RPA1: variants seen among roughly 807,000 people sequenced by gnomAD.
The protein encoded by RPA1 is replication protein A1.
RPA1 carries 49 observed loss-of-function variants against 83.0 expected under a neutral mutation model. The observed-to-expected ratio is 0.59, with a 90% CI of 0.47 to 0.75. RPA1 has a LOEUF of 0.75. Among genes scored for constraint, RPA1 ranks in the 30% least tolerant of loss-of-function variants. RPA1 has a pLI of 0.00. For synonymous variants in RPA1, 279 were observed against 281.8 expected (o/e 0.99, Z 0.10); for missense variants, 693 against 776.1 (o/e 0.89, Z 1.27).
chr17:1,843,388 A>G (rs1912129544), intron 2 of RPA1, among the ~76,000 whole-genome samples: 1 of 151,600 alleles, frequency 6.6e-6, no homozygotes, highest in South Asian at 2.1e-4. Context: ...CTCTGGGTAC[A>G]GGTGTCACTT....
At chr17:1,895,323 A>G (rs1914366248) in intron 16 of RPA1, among the ~76,000 whole-genome samples, 1 of 148,758 alleles carries the variant, frequency 6.7e-6, no homozygotes. Context: ...TACAATATGG[A>G]TTTTTTTGTT....
chr17:1,871,260 T>C (rs1177449172), intron 5 of RPA1, among the ~76,000 whole-genome samples: 1 of 152,266 alleles, frequency 6.6e-6, no homozygotes, highest in Non-Finnish European at 1.5e-5. Context: ...TAAACAGTTC[T>C]ATTTAACCTT....
At chr17:1,859,235 C>T (rs913564088) in intron 5 of RPA1, among the ~76,000 whole-genome samples, 1 of 152,164 alleles carries the variant, frequency 6.6e-6, no homozygotes, top group Non-Finnish European at 1.5e-5. Context: ...ATTATGGTCT[C>T]TCTTGGTAAA....
intron 5 of RPA1, among the ~76,000 whole-genome samples, chr17:1,861,334 C>A (rs907592260): frequency 1.3e-5 from 2 of 152,348 alleles, no homozygotes; most frequent in South Asian, 4.1e-4. Flanking sequence ...TGCAGACCCA[C>A]TCGCTCGCTT....
Position 1,891,818 on chromosome 17 carries a change from A to C in RPA1, c.1552-15A>C. On this transcript the variant is annotated splice_polypyrimidine_tract_variant and intron_variant, in intron 14 of 16. Coordinates refer to ENST00000254719, the MANE Select transcript of RPA1 (RefSeq NM_002945.5). Reference sequence around the variant, plus strand: ...TTATTTCTTTGCTGAAATAATGTAGAATTGTGTTTTTTAGGTAAATATTGC... The same window carrying C: ...TTATTTCTTTGCTGAAATAATGTAGCATTGTGTTTTTTAGGTAAATATTGC... 6.8e-7 allele frequency: 1 copy of C among 1,478,762 alleles called. No homozygotes were observed. Among genetic ancestry groups the C allele is most frequent in the Non-Finnish European group, 9.4e-7 (1 of 1,065,680 alleles). 91.6% of individuals were successfully genotyped at this position (1,478,762 alleles called of 1,614,324 possible). A position where few individuals can be genotyped will look rare whatever the true frequency, so the allele number is the denominator to read the frequency against.
chr17:1,876,236 C>A (rs1462566693), intron 7 of RPA1, among the ~76,000 whole-genome samples: 3 of 152,132 alleles, frequency 2.0e-5, no homozygotes, highest in South Asian at 2.1e-4. Flanking sequence ...ACATAAATTT[C>A]TTTTATATGA....
intron 15 of RPA1, 136 bp from the exon 16 acceptor site, chr17:1,894,873 C>T (rs1914339202): frequency 3.2e-6 from 2 of 622,082 alleles, no homozygotes; most frequent in Non-Finnish European, 5.8e-6. Context: ...TGTAATGTTA[C>T]CTGTAGATGA....
At chr17:1,844,126 G>A (rs1912167550) in intron 3 of RPA1, 128 bp downstream of exon 3, 1 of 696,834 alleles carries the variant, frequency 1.4e-6, no homozygotes, top group Non-Finnish European at 2.4e-6. Context: ...ACTTCATTCA[G>A]ACAGAATTGC....
Position 1,879,353 on chromosome 17 carries a change from T to C in RPA1, c.898T>C (p.Phe300Leu). Reference sequence around the variant, plus strand: ...CGACCATCATTTACCTACGGTTCAGTTTGATTTCACGGGGATTGATGACCT... The same window carrying C: ...CGACCATCATTTACCTACGGTTCAGCTTGATTTCACGGGGATTGATGACCT... ...EDDHHLPTVQ[F>L]DFTGIDDLEN... Residue 300 changes from phenylalanine to leucine, a missense_variant, in exon 10 of 17, where the codon TTT (phenylalanine) becomes CTT (leucine). Phe to Leu is a conservative substitution (Grantham distance 22, BLOSUM62 0). Transcript: ENST00000254719. 3.1e-6 allele frequency: 5 copies of C among 1,614,164 alleles called. No homozygotes were observed. The highest frequency in any genetic ancestry group is 4.2e-6 in the Non-Finnish European group (5 of 1,180,032).
intron 4 of RPA1, among the ~76,000 whole-genome samples, chr17:1,848,853 C>T (rs1005381951): frequency 7.9e-5 from 12 of 152,002 alleles, no homozygotes; most frequent in Admixed American, 4.6e-4. Flanking sequence ...TGTGAGCCAC[C>T]GCACCCAGCC....
intron 7 of RPA1, among the ~76,000 whole-genome samples, chr17:1,876,846 A>G (rs1170917511): frequency 6.6e-6 from 1 of 152,214 alleles, no homozygotes; most frequent in Non-Finnish European, 1.5e-5. Flanking sequence ...CAGTTATATC[A>G]GTTCCCATAA....
chr17:1,884,078 G>T lies in RPA1; in HGVS notation c.1374+134G>T. The T allele has an allele frequency of 8.1e-7, 1 of 1,240,804 alleles. No homozygotes were observed. Among genetic ancestry groups the T allele is most frequent in the Non-Finnish European group, 1.1e-6 (1 of 895,842 alleles). The allele number at this position is 1,240,804 out of a possible 1,614,324, so 76.9% of individuals were successfully genotyped here. On this transcript the variant is annotated intron_variant, in intron 13 of 16. Transcript: ENST00000254719. The surrounding 1 kb of genome is among the most constrained non-coding windows in gnomAD (Gnocchi z 4.1). ...GGGCTGTGACCTGAGCGTGGCATGG[G>T]GGTTGAGAATCACTGGCAGAGGGAA... is the stretch of plus-strand genomic sequence containing the variant.
chr17:1,842,230 A>G lies in RPA1; in HGVS notation c.34-573A>G, dbSNP rs899869690. Among the ~76,000 whole-genome samples the G allele has an allele frequency of 7.3e-5, 11 of 151,632 alleles. No individual in the cohort carries two copies. In the South Asian group the frequency reaches 8.3e-4, roughly 11 times the overall value. On this transcript the variant is annotated intron_variant, in intron 1 of 16. Coordinates refer to ENST00000254719, the MANE Select transcript of RPA1 (RefSeq NM_002945.5). ...TTGGAAAGAAAGTATTGTCTTTTCTATTTTCTGAAATAATTTATGCAAGTT... is the reference window on the plus strand; with the variant it reads ...TTGGAAAGAAAGTATTGTCTTTTCTGTTTTCTGAAATAATTTATGCAAGTT...
chr17:1,846,609 C>T (rs369236349), intron 4 of RPA1, among the ~76,000 whole-genome samples: 1 of 152,228 alleles, frequency 6.6e-6, no homozygotes, highest in East Asian at 1.9e-4. Flanking sequence ...CGTGAGCCAC[C>T]GTGGCCGGCC....
At chr17:1,879,736 C>T (rs372653529) in intron 11 of RPA1, 37 bp downstream of exon 11, 25 of 1,612,848 alleles carry the variant, frequency 1.6e-5, no homozygotes, top group Non-Finnish European at 2.1e-5. Flanking sequence ...ACGCACAGGA[C>T]CTCCTGGGGT....
chr17:1,877,062 G>A lies in RPA1; in HGVS notation c.588-150G>A, dbSNP rs1425924620. On this transcript the variant is annotated intron_variant, in intron 7 of 16. Transcript: ENST00000254719. The stretch of plus-strand genomic sequence containing the variant: ...TTATTCTGTAAACTGTCAAACCCAT[G>A]TGTCATCTTGGGGTTTTAATTAGCT... The A allele has an allele frequency of 3.8e-5, 26 of 677,138 alleles. No individual in the cohort carries two copies. The Admixed American group carries it at 6.1e-4, about 16-fold the overall frequency. The allele number at this position is 677,138 out of a possible 1,614,324, so 41.9% of individuals were successfully genotyped here.
chr17:1,841,502 C>T (rs1191086411), intron 1 of RPA1, among the ~76,000 whole-genome samples: 1 of 152,116 alleles, frequency 6.6e-6, no homozygotes, highest in Non-Finnish European at 1.5e-5. Context: ...CAGGGTTTCA[C>T]CATGTTGGCC....
chr17:1,844,484 A>T, intron 3 of RPA1, 94 bp from the exon 4 acceptor site: 1 of 855,988 alleles, frequency 1.2e-6, no homozygotes, highest in East Asian at 2.6e-5. Flanking sequence ...GAGCATATGT[A>T]AGGCATTTTT....
intron 5 of RPA1, among the ~76,000 whole-genome samples, chr17:1,868,343 ACT>A (rs1460158919): frequency 1.3e-5 from 2 of 152,130 alleles, no homozygotes; most frequent in African/African-American, 4.8e-5. Flanking sequence ...AAGGACGCAC[ACT>A]CTGTGCTAGC....
Sources: gnomAD v4.1 joint callset for allele counts (sites outside exome capture counted in the v4.1 genomes callset) on GRCh38, gnomAD v4.1.1 for gene constraint, Gnocchi (gnomAD v3.1) non-coding constraint, MANE v1.5 for transcripts, NCBI Gene and HGNC (gene_info 2026-07-23, HGNC 2026-07-21) for gene names.